CFAP99: variants seen among roughly 807,000 people sequenced by gnomAD.
CFAP99 encodes cilia and flagella associated protein 99.
In CFAP99, 84 loss-of-function variants were observed where a neutral mutation model predicts 82.7. The ratio of observed to expected loss-of-function variants is 1.02; its 90% CI spans 0.85 to 1.22. The LOEUF is 1.22. CFAP99 is among the 50% of genes most tolerant of loss of function. The pLI is 0.00. For synonymous variants in CFAP99, 456 were observed against 429.5 expected (o/e 1.06, Z -0.76); for missense variants, 1,059 against 983.5 (o/e 1.08, Z -1.03).
chr4:2,440,158 T>TTTTTTTTTTTTTTTTA, intron 4 of CFAP99, among the ~76,000 whole-genome samples: 1 of 124,316 alleles, frequency 8.0e-6, no homozygotes, highest in Non-Finnish European at 1.6e-5. Flanking sequence ...TCTTTTTTTT[T>TTTTTTTTTTTTTTTTA]TTTTTTGAGA....
intron 11 of CFAP99, among the ~76,000 whole-genome samples, chr4:2,452,752 T>C (rs1004526099): frequency 6.6e-6 from 1 of 152,144 alleles, no homozygotes; most frequent in Non-Finnish European, 1.5e-5. Flanking sequence ...TTCTTTCCTT[T>C]TTACTTTTTT....
exon 2 of CFAP99, chr4:2,426,512 G>A (rs767916601): frequency 1.5e-5 from 23 of 1,535,958 alleles, no homozygotes; most frequent in African/African-American, 2.7e-5. Flanking sequence ...AACTGTGATC[G>A]AGCAACTCGA....
intron 2 of CFAP99, among the ~76,000 whole-genome samples, chr4:2,435,563 G>A (rs1203764): frequency 0.48 from 72,723 of 151,948 alleles, 18,859 homozygotes; most frequent in East Asian, 0.86. Context: ...TTACAGTATC[G>A]TAGAACACAT....
At position 2,460,044 on chromosome 4, in the gene CFAP99, G is replaced by A. The variant is rs1259854946; in HGVS notation, c.1463G>A (p.Gly488Asp). 14 of 1,535,762 alleles carry A rather than the reference G, an allele frequency of 9.1e-6. No homozygotes were observed. Among genetic ancestry groups the A allele is most frequent in the East Asian group, 2.4e-5 (1 of 40,930 alleles). The change falls in exon 14 of 15, where the codon GGC becomes GAC. Residue 488 changes from glycine to aspartate, a missense_variant. By Grantham distance (94) the Gly-to-Asp change is moderately conservative. Coordinates refer to ENST00000635017, the Ensembl canonical transcript of CFAP99. Reference sequence around the variant, plus strand: ...TCCCCTACCACCCCACAGATCCCCGGCTACGGCCTGGAAGGAGAGATGTCC... The same window carrying A: ...TCCCCTACCACCCCACAGATCCCCGACTACGGCCTGGAAGGAGAGATGTCC...
intron 1 of CFAP99, among the ~76,000 whole-genome samples, chr4:2,420,877 A>G (rs1216307142): frequency 6.6e-6 from 1 of 152,166 alleles, no homozygotes; most frequent in Non-Finnish European, 1.5e-5. Flanking sequence ...GAGAAGATGG[A>G]TATGCCTCTC....
intron 4 of CFAP99, among the ~76,000 whole-genome samples, chr4:2,441,137 G>A (rs998368993): frequency 3.3e-5 from 5 of 151,664 alleles, no homozygotes; most frequent in African/African-American, 9.7e-5. Context: ...TTGGGAGGCC[G>A]AAGTGGGTGT....
Position 2,449,763 on chromosome 4 carries a change from C to A in CFAP99, c.723+13C>A. On this transcript the variant is annotated intron_variant, in intron 7 of 14. Transcript: ENST00000635017. ...CCGAAAGGCCGAGGTGAGCTGTGTG[C>A]GACCCCTGCCTTCCTAGAGACCCCA... The A allele has an allele frequency of 6.5e-7, 1 of 1,535,910 alleles. No individual in the cohort carries two copies. Among genetic ancestry groups the A allele is most frequent in the Non-Finnish European group, 8.7e-7 (1 of 1,146,660 alleles).
At chr4:2,442,030 C>T (rs1734053804) in intron 4 of CFAP99, among the ~76,000 whole-genome samples, 1 of 152,196 alleles carries the variant, frequency 6.6e-6, no homozygotes, top group Non-Finnish European at 1.5e-5. Context: ...CAAAGCCCCA[C>T]CCCAACTCCA....
At chr4:2,422,544 G>T (rs565345613) in intron 1 of CFAP99, among the ~76,000 whole-genome samples, 1 of 152,170 alleles carries the variant, frequency 6.6e-6, no homozygotes. Flanking sequence ...TCCAGGACAG[G>T]GGGAGACGGC....
At chr4:2,451,151 T>G in intron 9 of CFAP99, 113 bp from the exon 10 acceptor site, 1 of 1,452,002 alleles carries the variant, frequency 6.9e-7, no homozygotes, top group African/African-American at 1.4e-5. Flanking sequence ...CCCTGGGGGA[T>G]AGGGAAGCAC....
chr4:2,425,369 G>T (rs1050271928), intron 1 of CFAP99, among the ~76,000 whole-genome samples: 5 of 152,166 alleles, frequency 3.3e-5, no homozygotes, highest in Non-Finnish European at 7.3e-5. Context: ...CCTTCAGCAC[G>T]GCCAGGATCG....
intron 3 of CFAP99, among the ~76,000 whole-genome samples, chr4:2,437,790 A>T (rs1733950037): frequency 6.6e-6 from 1 of 152,220 alleles, no homozygotes; most frequent in Non-Finnish European, 1.5e-5. Flanking sequence ...AAATTGACAA[A>T]CAAGTCCAAA....
At chr4:2,424,317 G>A (rs1235880849) in intron 1 of CFAP99, among the ~76,000 whole-genome samples, 3 of 152,234 alleles carry the variant, frequency 2.0e-5, no homozygotes, top group African/African-American at 7.2e-5. Flanking sequence ...TAGCCACATG[G>A]TGGTGGGTGC....
chr4:2,462,369 G>C lies in CFAP99; in HGVS notation c.1662-74G>C. The C allele has an allele frequency of 7.5e-7, 1 of 1,340,958 alleles. No homozygotes were observed. The allele number at this position is 1,340,958 out of a possible 1,614,324, so 83.1% of individuals were successfully genotyped here. ...TAGCTCCTTGCCCCCGCGTCGCTTGGACACGGGTGGCATCCTGGGTCTGGC... is the reference window on the plus strand; with the variant it reads ...TAGCTCCTTGCCCCCGCGTCGCTTGCACACGGGTGGCATCCTGGGTCTGGC... On this transcript the variant is annotated intron_variant, in intron 14 of 14. Transcript: ENST00000635017. The surrounding 1 kb of genome is among the most constrained non-coding windows in gnomAD (Gnocchi z 4.1).
Position 2,452,445 on chromosome 4 carries a change from A to G in CFAP99, c.1161+99A>G, listed in dbSNP as rs1413164167. ...GGGCTGGCAGTGGAGCTGAGTGTCC[A>G]CAGCGCCCCCGTAGAAGCTACTGAT... On this transcript the variant is annotated intron_variant, in intron 11 of 14. Transcript: ENST00000635017. The G allele has an allele frequency of 8.7e-6, 11 of 1,263,798 alleles. No individual in the cohort carries two copies. In the East Asian group the frequency reaches 2.3e-4, roughly 26 times the overall value. 78.3% of individuals were successfully genotyped at this position (1,263,798 alleles called of 1,614,324 possible).
At chr4:2,457,242 C>T (rs1687801333) in intron 11 of CFAP99, among the ~76,000 whole-genome samples, 1 of 152,182 alleles carries the variant, frequency 6.6e-6, no homozygotes, top group South Asian at 2.1e-4. Context: ...TGCAGCTGGC[C>T]CTGAGTACAT....
In CFAP99 at chr4:2,442,300, C is replaced by T. The variant is rs551046019; in HGVS notation, c.352-830C>T. ...CCAGCCTCGGGGCAGGGAAAATGGC[C>T]CCCTTGAGGGAGGAAGCAGTAACAG... On this transcript the variant is annotated intron_variant, in intron 4 of 14. Coordinates refer to ENST00000635017, the Ensembl canonical transcript of CFAP99. Among the ~76,000 whole-genome samples the T allele has an allele frequency of 5.3e-5, 8 of 152,214 alleles. No homozygotes were observed. In the East Asian group the frequency reaches 1.5e-3, roughly 29 times the overall value.
chr4:2,442,503 C>T (rs895191592), intron 4 of CFAP99, among the ~76,000 whole-genome samples: 3 of 152,042 alleles, frequency 2.0e-5, no homozygotes, highest in Admixed American at 6.5e-5. Flanking sequence ...CCTGCCTGGC[C>T]GGCACACAGA....
intron 5 of CFAP99, 113 bp downstream of exon 5, chr4:2,443,355 A>G: frequency 1.5e-6 from 1 of 683,794 alleles, no homozygotes; most frequent in Admixed American, 2.2e-5. Flanking sequence ...AAGCTCTATG[A>G]GTGTCAGTAA....
Sources: allele counts gnomAD v4.1 joint callset (sites outside exome capture counted in the v4.1 genomes callset), GRCh38; gene constraint gnomAD v4.1.1; non-coding constraint Gnocchi (gnomAD v3.1); transcripts MANE v1.5; gene names NCBI Gene and HGNC (gene_info 2026-07-23, HGNC 2026-07-21).